Variants in PALM observed in about 807,000 individuals in gnomAD.
The protein encoded by PALM is paralemmin, also known as paralemmin-1.
Under a neutral mutation model 30.7 loss-of-function variants are expected in PALM, and 18 were observed. The observed-to-expected ratio is 0.59, with a 90% CI of 0.41 to 0.87. The LOEUF (loss-of-function observed/expected upper bound fraction) is 0.87. Among genes scored for constraint, PALM ranks in the 40% least tolerant of loss-of-function variants. The pLI is 0.00. For synonymous variants in PALM, 286 were observed against 242.8 expected, an observed-to-expected ratio of 1.18 and a Z score of -1.66; for missense variants, 529 against 555.4, an observed-to-expected ratio of 0.95 and a Z score of 0.48.
At chr19:725,650 G>A (rs1195519528) in intron 1 of PALM, among the ~76,000 whole-genome samples, 4 of 152,152 alleles carry the variant, frequency 2.6e-5, no homozygotes, top group Non-Finnish European at 5.9e-5. Context: ...TGGGAGGCTC[G>A]TCTCCCTGTC....
intron 4 of PALM, among the ~76,000 whole-genome samples, chr19:729,586 CT>C (rs1482860667): frequency 6.6e-6 from 1 of 150,834 alleles, no homozygotes; most frequent in East Asian, 2.0e-4. Flanking sequence ...CTGCCTCAGC[CT>C]TCTGAGTAGC....
At chr19:714,156 C>T (rs1401370177) in intron 1 of PALM, among the ~76,000 whole-genome samples, 2 of 151,786 alleles carry the variant, frequency 1.3e-5, no homozygotes, top group Non-Finnish European at 2.9e-5. Flanking sequence ...CTACCCTCCT[C>T]GGCCTCCCAA....
At position 708,966 on chromosome 19, in the gene PALM, G is replaced by T. The variant is rs1221129164; in HGVS notation, c.-181G>T. On this transcript the variant is annotated 5_prime_UTR_variant, in exon 1 of 9. Coordinates refer to ENST00000338448, the MANE Select transcript of PALM (RefSeq NM_002579.3). ...GCCGCCGCCCGGACAATAAACAGCAGCTTTGCGCGGGGCGATGCCCGAGCC... is the reference window on the plus strand; with the variant it reads ...GCCGCCGCCCGGACAATAAACAGCATCTTTGCGCGGGGCGATGCCCGAGCC... 2.7e-5 allele frequency: 4 copies of T among 147,746 alleles called. No homozygotes were observed. The Admixed American group carries it at 2.7e-4, about 10-fold the overall frequency. 9.2% of individuals were successfully genotyped at this position (147,746 alleles called of 1,614,324 possible). A position where few individuals can be genotyped will look rare whatever the true frequency, so the allele number is the denominator to read the frequency against.
chr19:739,869 G>A (rs567362975), intron 7 of PALM, among the ~76,000 whole-genome samples: 2 of 152,282 alleles, frequency 1.3e-5, no homozygotes, highest in Admixed American at 1.3e-4. Flanking sequence ...CCAGCTACGT[G>A]GAAGGCTGAG....
At chr19:719,355 G>A in intron 1 of PALM, 2 of 985,538 alleles carry the variant, frequency 2.0e-6, no homozygotes, top group Non-Finnish European at 2.4e-6. Context: ...CTCATCTCCT[G>A]GAGCAGGACT....
chr19:723,885 C>A (rs993676510), intron 1 of PALM, among the ~76,000 whole-genome samples: 1 of 152,034 alleles, frequency 6.6e-6, no homozygotes, highest in South Asian at 2.1e-4. Context: ...CGTGAGCCAC[C>A]GCGCCCGGCC....
chr19:731,588 G>A (rs1460885611), intron 5 of PALM, among the ~76,000 whole-genome samples: 1 of 115,930 alleles, frequency 8.6e-6, no homozygotes, highest in African/African-American at 3.6e-5. Flanking sequence ...AAGGGCTCAG[G>A]GAAGCAGGAG....
intron 1 of PALM, chr19:719,200 C>T: frequency 1.0e-6 from 1 of 985,610 alleles, no homozygotes; most frequent in Non-Finnish European, 1.2e-6. Flanking sequence ...CCCCATCCCA[C>T]ACACGCCCCT....
Position 726,989 on chromosome 19 carries a change from C to A in PALM, c.58-19C>A. 3 of 1,242,774 alleles carry A rather than the reference C, an allele frequency of 2.4e-6. No individual in the cohort carries two copies. The highest frequency in any genetic ancestry group is 3.4e-6 in the Non-Finnish European group (3 of 879,654). 77.0% of individuals were successfully genotyped at this position (1,242,774 alleles called of 1,614,324 possible). ...GGACCCCCACGCCCATCCCTGACCC[C>A]ACCCGGCCCTCCCCACAGGAGAAGC... On this transcript the variant is annotated intron_variant, in intron 2 of 8. Coordinates refer to ENST00000338448, the MANE Select transcript of PALM (RefSeq NM_002579.3).
chr19:746,965 AAG>A lies in PALM; in HGVS notation c.*154_*155del. 1.6e-6 allele frequency: 1 copy of A among 622,024 alleles called. No individual in the cohort carries two copies. The highest frequency in any genetic ancestry group is 2.8e-6 in the Non-Finnish European group (1 of 358,028). The allele number at this position is 622,024 out of a possible 1,614,324, so 38.5% of individuals were successfully genotyped here. A position where few individuals can be genotyped will look rare whatever the true frequency, so the allele number is the denominator to read the frequency against. Reference sequence around the variant, plus strand: ...TCCTTCCGAGTTTTCTTTCGCTGGAAAGAGGGACAGGGGCCCCCACCCGTCAC... The same window carrying A: ...TCCTTCCGAGTTTTCTTTCGCTGGAAAGGGACAGGGGCCCCCACCCGTCAC... On this transcript the variant is annotated 3_prime_UTR_variant, in exon 9 of 9. Transcript: ENST00000338448. The surrounding 1 kb of genome is among the most constrained non-coding windows in gnomAD (Gnocchi z 7.1).
In PALM at chr19:748,006, C is replaced by T. The variant is rs1396524828; in HGVS notation, c.*1192C>T. On this transcript the variant is annotated 3_prime_UTR_variant, in exon 9 of 9. Transcript: ENST00000338448. Reference sequence around the variant, plus strand: ...GGTCCCTGCCCTAGGGACCTCCAGCCTGGTGCCCAGTGCTCAGGCCACCTC... The same window carrying T: ...GGTCCCTGCCCTAGGGACCTCCAGCTTGGTGCCCAGTGCTCAGGCCACCTC... 1.3e-5 allele frequency: 2 copies of T among 152,630 alleles called. No homozygotes were observed. Among genetic ancestry groups the T allele is most frequent in the Admixed American group, 6.5e-5 (1 of 15,286 alleles). 9.5% of individuals were successfully genotyped at this position (152,630 alleles called of 1,614,324 possible). A position where few individuals can be genotyped will look rare whatever the true frequency, so the allele number is the denominator to read the frequency against.
chr19:740,523 C>G, intron 8 of PALM, 40 bp downstream of exon 8: 2 of 1,527,364 alleles, frequency 1.3e-6, no homozygotes, highest in Middle Eastern at 1.7e-4. Context: ...CCACCTGGGC[C>G]AGAGCCCCGA....
chr19:723,151 G>T (rs2032547225), intron 1 of PALM, among the ~76,000 whole-genome samples: 1 of 152,130 alleles, frequency 6.6e-6, no homozygotes, highest in Non-Finnish European at 1.5e-5. Context: ...GGGGGCACAA[G>T]GGGGACGTCA....
chr19:747,048 AGACAG>A lies in PALM; in HGVS notation c.*240_*244del. On this transcript the variant is annotated 3_prime_UTR_variant, in exon 9 of 9. Transcript: ENST00000338448. The stretch of plus-strand genomic sequence containing the variant: ...CGTGCACTTGTGCCTGGTAGGAGAG[AGACAG>A]GACAGACCCGCTTTTCCCGAGACAA... The A allele has an allele frequency of 1.9e-6, 1 of 535,146 alleles. No individual in the cohort carries two copies. Among genetic ancestry groups the A allele is most frequent in the Non-Finnish European group, 3.3e-6 (1 of 301,208 alleles). The allele number at this position is 535,146 out of a possible 1,614,324, so 33.1% of individuals were successfully genotyped here.
At chr19:733,771 G>C (rs533374106) in intron 5 of PALM, among the ~76,000 whole-genome samples, 1 of 152,306 alleles carries the variant, frequency 6.6e-6, no homozygotes, top group East Asian at 1.9e-4. Flanking sequence ...TGGATCACCT[G>C]AGGTCAGGGG....
At chr19:716,819 C>G (rs1186514828) in intron 1 of PALM, among the ~76,000 whole-genome samples, 1 of 152,166 alleles carries the variant, frequency 6.6e-6, no homozygotes. Flanking sequence ...GGTATGTATA[C>G]ACACGTCTGT....
intron 1 of PALM, among the ~76,000 whole-genome samples, chr19:720,267 C>T (rs2032421028): frequency 6.6e-6 from 1 of 151,804 alleles, no homozygotes; most frequent in Non-Finnish European, 1.5e-5. Flanking sequence ...CGGCGACCGC[C>T]TCCCGCGGGC....
chr19:731,255 T>C lies in PALM; in HGVS notation c.420+10T>C, dbSNP rs1599155102. The stretch of plus-strand genomic sequence containing the variant: ...GATGAATTCACAGCAGGTAAGGGGG[T>C]GACTGGGGGGAGCGGATCCCCAGGC... On this transcript the variant is annotated intron_variant, in intron 5 of 8. Transcript: ENST00000338448. 1 of 1,595,530 alleles carries C rather than the reference T, an allele frequency of 6.3e-7. No homozygotes were observed. The highest frequency in any genetic ancestry group is 1.4e-5 in the African/African-American group (1 of 73,816).
chr19:748,155 C>G lies in PALM; in HGVS notation c.*1341C>G, dbSNP rs1193612843. The G allele has an allele frequency of 1.3e-5, 2 of 152,386 alleles. No individual in the cohort carries two copies. Among genetic ancestry groups the G allele is most frequent in the Non-Finnish European group, 1.5e-5 (1 of 68,074 alleles). 9.4% of individuals were successfully genotyped at this position (152,386 alleles called of 1,614,324 possible). A position where few individuals can be genotyped will look rare whatever the true frequency, so the allele number is the denominator to read the frequency against. On this transcript the variant is annotated 3_prime_UTR_variant, in exon 9 of 9. Coordinates refer to ENST00000338448, the MANE Select transcript of PALM (RefSeq NM_002579.3). ...GGAGGAGAGGCCCTCTCGGGGGTGA[C>G]CTGGGCGTCAGCCGTGGAACCCCCT...
Sources: allele counts gnomAD v4.1 joint callset (sites outside exome capture counted in the v4.1 genomes callset), GRCh38; gene constraint gnomAD v4.1.1; non-coding constraint Gnocchi (gnomAD v3.1); transcripts MANE v1.5; gene names NCBI Gene and HGNC (gene_info 2026-07-23, HGNC 2026-07-21).